COL26A1: variants seen among roughly 807,000 people sequenced by gnomAD.
COL26A1 encodes collagen type XXVI alpha 1 chain.
Under a neutral mutation model 59.3 loss-of-function variants are expected in COL26A1, and 41 were observed. The ratio of observed to expected loss-of-function variants is 0.69; its 90% CI spans 0.54 to 0.90. The LOEUF is 0.90. Ranked by LOEUF, COL26A1 falls within the 40% of genes least tolerant of loss-of-function variation. The pLI, the probability that COL26A1 is intolerant of heterozygous loss-of-function variation, is 0.00. For synonymous variants in COL26A1, 266 were observed against 256.0 expected (o/e 1.04, Z -0.37); for missense variants, 612 against 602.3 (o/e 1.02, Z -0.17).
At chr7:101,419,938 G>C (rs772172488) in intron 1 of COL26A1, 39 bp from the exon 2 acceptor site, 1 of 1,604,350 alleles carries the variant, frequency 6.2e-7, no homozygotes, top group Non-Finnish European at 8.5e-7. Context: ...GCAGCTCTGG[G>C]AACAGGCAGG....
rs530083977 is a variant in COL26A1 at position 101,369,691 on chromosome 7, G to A, written c.158+6501G>A. ...GTTGTTCTGTACAGTGTGAGTGACT[G>A]TATTTATTCAGCTAGTCCTCTACTG... is the stretch of plus-strand genomic sequence containing the variant. On this transcript the variant is annotated intron_variant, in intron 1 of 12. Transcript: ENST00000313669. Among the ~76,000 whole-genome samples, 11 of 151,836 alleles carry A rather than the reference G, an allele frequency of 7.2e-5. No individual in the cohort carries two copies. The South Asian group carries it at 1.7e-3, about 23-fold the overall frequency.
rs374629733 is a variant in COL26A1 at position 101,494,738 on chromosome 7, C to T, written c.386-38344C>T. ...GGAAGCCACAGCAGGGGGCCCAGCC[C>T]GCTCCTCCTCCAGTCCCAGCTCTTC... is the stretch of plus-strand genomic sequence containing the variant. On this transcript the variant is annotated intron_variant, in intron 3 of 12. Coordinates refer to ENST00000313669, the MANE Select transcript of COL26A1 (RefSeq NM_001278563.3). Among the ~76,000 whole-genome samples, 103 of 152,332 alleles carry T rather than the reference C, an allele frequency of 6.8e-4. 4 individuals carry two copies. The highest frequency in any genetic ancestry group is 1.5e-3 in the African/African-American group (64 of 41,580).
intron 3 of COL26A1, among the ~76,000 whole-genome samples, chr7:101,472,993 A>G (rs1289098313): frequency 6.6e-6 from 1 of 151,876 alleles, no homozygotes; most frequent in African/African-American, 2.4e-5. Flanking sequence ...CTTCTCTTAC[A>G]GGCTTGGAGT....
intron 1 of COL26A1, among the ~76,000 whole-genome samples, chr7:101,366,985 T>G (rs1257289281): frequency 6.6e-6 from 1 of 152,178 alleles, no homozygotes; most frequent in African/African-American, 2.4e-5. Context: ...CGTACTAGAT[T>G]TAGCTATTTC....
In COL26A1 at chr7:101,477,133, C is replaced by T. The variant is rs553128782; in HGVS notation, c.385+29346C>T. On this transcript the variant is annotated intron_variant, in intron 3 of 12. Coordinates refer to ENST00000313669, the MANE Select transcript of COL26A1 (RefSeq NM_001278563.3). ...TTCTGGGATTACAGCCATGAGCCAC[C>T]GAGCCCGGCCTCTGGTTACTTTTTT... 6.6e-5 allele frequency among the ~76,000 whole-genome samples: 10 copies of T among 152,092 alleles called. 1 individual carries two copies. The highest frequency in any genetic ancestry group is 2.6e-4 in the Admixed American group (4 of 15,256).
chr7:101,371,594 C>T (rs925284856), intron 1 of COL26A1, among the ~76,000 whole-genome samples: 2 of 95,750 alleles, frequency 2.1e-5, no homozygotes, highest in African/African-American at 6.9e-5. Flanking sequence ...GAGACCAGCC[C>T]GGGAAATATA....
intron 3 of COL26A1, among the ~76,000 whole-genome samples, chr7:101,461,513 G>A (rs1327851402): frequency 1.3e-5 from 2 of 152,044 alleles, no homozygotes; most frequent in Non-Finnish European, 2.9e-5. Flanking sequence ...GGTCAGGCTA[G>A]TCTCAAACTC....
intron 3 of COL26A1, among the ~76,000 whole-genome samples, chr7:101,523,464 A>G (rs2130615360): frequency 6.6e-6 from 1 of 152,328 alleles, no homozygotes; most frequent in South Asian, 2.1e-4. Context: ...TTGAGGTCAT[A>G]TAGGTAGTCA....
In COL26A1 at chr7:101,549,197, G is replaced by C; in HGVS notation, c.967G>C (p.Gly323Arg). The C allele has an allele frequency of 6.2e-7, 1 of 1,605,536 alleles. No homozygotes were observed. Among genetic ancestry groups the C allele is most frequent in the Non-Finnish European group, 8.5e-7 (1 of 1,175,942 alleles). ...PGPPGPRGPP[G>R]PPGTPGSQGL... Reference sequence around the variant, plus strand: ...TCCCCCTGGGCCTCGAGGTCCCCCAGGACCCCCAGGAACACCTGGATCCCA... The same window carrying C: ...TCCCCCTGGGCCTCGAGGTCCCCCACGACCCCCAGGAACACCTGGATCCCA... The change falls in exon 9 of 13, where the codon GGA (glycine) becomes CGA (arginine). Residue 323 changes from glycine (G) to arginine (R), a missense_variant. Gly to Arg is a moderately radical substitution (Grantham distance 125, BLOSUM62 -2). Coordinates refer to ENST00000313669, the MANE Select transcript of COL26A1 (RefSeq NM_001278563.3).
chr7:101,518,518 G>A (rs1041982169), intron 3 of COL26A1, among the ~76,000 whole-genome samples: 6 of 152,200 alleles, frequency 3.9e-5, no homozygotes, highest in Middle Eastern at 3.2e-3. Context: ...CACAGAGTCC[G>A]TCTCCCCCTG....
chr7:101,467,516 C>T (rs1363298970), intron 3 of COL26A1, among the ~76,000 whole-genome samples: 1 of 151,660 alleles, frequency 6.6e-6, no homozygotes, highest in East Asian at 1.9e-4. Flanking sequence ...CAGACGGGTT[C>T]TCTACCTGGC....
At chr7:101,404,338 C>T (rs541872784) in intron 1 of COL26A1, among the ~76,000 whole-genome samples, 19 of 152,164 alleles carry the variant, frequency 1.2e-4, no homozygotes, top group Non-Finnish European at 2.5e-4. Context: ...CATCTGAAAG[C>T]ATCCTCGCCA....
intron 3 of COL26A1, among the ~76,000 whole-genome samples, chr7:101,493,204 G>A (rs948679093): frequency 3.3e-5 from 5 of 152,046 alleles, no homozygotes; most frequent in Non-Finnish European, 7.4e-5. Flanking sequence ...AAGCTAGGAC[G>A]GACCAGGCTG....
intron 1 of COL26A1, among the ~76,000 whole-genome samples, chr7:101,375,102 C>T (rs915159906): frequency 5.9e-5 from 9 of 151,788 alleles, no homozygotes; most frequent in Admixed American, 2.0e-4. Context: ...AAGAGGAAGG[C>T]TGTGAAGAGT....
chr7:101,481,487 T>C (rs1162693805), intron 3 of COL26A1, among the ~76,000 whole-genome samples: 1 of 150,978 alleles, frequency 6.6e-6, no homozygotes, highest in Admixed American at 6.6e-5. Flanking sequence ...AGGGACTCAC[T>C]GTCACCCCGG....
chr7:101,397,791 G>C (rs1791895659), intron 1 of COL26A1, among the ~76,000 whole-genome samples: 2 of 152,048 alleles, frequency 1.3e-5, no homozygotes, highest in South Asian at 4.1e-4. Flanking sequence ...TCCCACCTCA[G>C]CCCCCCAAGG....
At chr7:101,534,312 G>T (rs1392734545) in intron 4 of COL26A1, among the ~76,000 whole-genome samples, 1 of 150,854 alleles carries the variant, frequency 6.6e-6, no homozygotes, top group Non-Finnish European at 1.5e-5. Context: ...CTGAGACGGT[G>T]GGGCTGGAGC....
chr7:101,462,160 C>T (rs4518587), intron 3 of COL26A1, among the ~76,000 whole-genome samples: 66,529 of 151,204 alleles, frequency 0.44, 15,402 homozygotes, highest in Middle Eastern at 0.54. Context: ...CCTCCACGCC[C>T]GGCTAATTTT....
At chr7:101,433,556 G>A (rs1792830929) in intron 2 of COL26A1, among the ~76,000 whole-genome samples, 1 of 152,118 alleles carries the variant, frequency 6.6e-6, no homozygotes. Flanking sequence ...GGGCAGAGGA[G>A]TAATCATTGG....
Sources: gnomAD v4.1 joint callset for allele counts (sites outside exome capture counted in the v4.1 genomes callset) on GRCh38, gnomAD v4.1.1 for gene constraint, MANE v1.5 for transcripts, NCBI Gene and HGNC (gene_info 2026-07-23, HGNC 2026-07-21) for gene names.